Variants in PSMD14 observed in about 807,000 individuals in gnomAD.
The protein encoded by PSMD14 is proteasome 26S subunit, non-ATPase 14.
PSMD14 carries 7 observed loss-of-function variants against 41.2 expected under a neutral mutation model. That is an observed-to-expected ratio of 0.17 (90% CI 0.10 to 0.32). The LOEUF is 0.32. Ranked by LOEUF, PSMD14 falls within the 10% of genes least tolerant of loss-of-function variation. The probability of loss-of-function intolerance (pLI) is 1.00; values close to 1 mark genes in which losing one functional copy is unlikely to be tolerated. For missense variants in PSMD14, 139 were observed against 375.6 expected (o/e 0.37, Z 5.21); for synonymous variants, 114 against 122.3 (o/e 0.93, Z 0.45).
At chr2:161,347,135 C>A (rs140684833) in intron 3 of PSMD14, among the ~76,000 whole-genome samples, 1 of 152,118 alleles carries the variant, frequency 6.6e-6, no homozygotes, top group Non-Finnish European at 1.5e-5. Flanking sequence ...TAGGGTAAGG[C>A]TCACCTCATT....
At position 161,339,748 on chromosome 2, in the gene PSMD14, A is replaced by G. The variant is rs370721942; in HGVS notation, c.48+20875A>G. Among the ~76,000 whole-genome samples the G allele has an allele frequency of 8.0e-4, 122 of 152,396 alleles. 1 individual carries two copies. In the East Asian group the frequency reaches 0.022, roughly 28 times the overall value. On this transcript the variant is annotated intron_variant, in intron 3 of 11. Transcript: ENST00000409682. Reference sequence around the variant, plus strand: ...GACACGTGGCTCTGTGTTGAAGGCAATGACTGTGTGGCTGTTGCCATGTGG... The same window carrying G: ...GACACGTGGCTCTGTGTTGAAGGCAGTGACTGTGTGGCTGTTGCCATGTGG...
chr2:161,326,059 A>G (rs1225308613), intron 3 of PSMD14, among the ~76,000 whole-genome samples: 3 of 152,132 alleles, frequency 2.0e-5, no homozygotes. Context: ...GTTTTTTAAG[A>G]TGGAGTCTTG....
chr2:161,399,481 A>G (rs1430329238), intron 10 of PSMD14, among the ~76,000 whole-genome samples: 3 of 152,104 alleles, frequency 2.0e-5, no homozygotes. Flanking sequence ...GTTATTGAGG[A>G]ACAAGTGGTG....
intron 1 of PSMD14, among the ~76,000 whole-genome samples, chr2:161,316,142 C>G (rs1689145894): frequency 6.6e-6 from 1 of 152,146 alleles, no homozygotes; most frequent in Non-Finnish European, 1.5e-5. Flanking sequence ...CTGCGCCCAG[C>G]CTGTTTTGTT....
chr2:161,400,706 A>G (rs984202955), intron 10 of PSMD14, among the ~76,000 whole-genome samples: 2 of 152,098 alleles, frequency 1.3e-5, no homozygotes, highest in Non-Finnish European at 2.9e-5. Context: ...GGCATGTGCC[A>G]TCATGCCTGG....
At chr2:161,398,751 ATTTC>A (rs1296644368) in intron 10 of PSMD14, among the ~76,000 whole-genome samples, 1 of 152,040 alleles carries the variant, frequency 6.6e-6, no homozygotes, top group Non-Finnish European at 1.5e-5. Flanking sequence ...AAGTTTCAGT[ATTTC>A]TTTTATATGC....
chr2:161,344,304 A>G (rs1286270875), intron 3 of PSMD14, among the ~76,000 whole-genome samples: 4 of 152,200 alleles, frequency 2.6e-5, no homozygotes, highest in Admixed American at 2.6e-4. Flanking sequence ...GGAGGCTGGA[A>G]GTTGGAGATC....
chr2:161,395,704 T>G (rs916864365), intron 10 of PSMD14, among the ~76,000 whole-genome samples: 18 of 152,260 alleles, frequency 1.2e-4, no homozygotes, highest in Middle Eastern at 3.4e-3. Flanking sequence ...AACTCATTAA[T>G]GGGTTGAAAA....
At chr2:161,369,585 C>G (rs1683405619) in intron 5 of PSMD14, among the ~76,000 whole-genome samples, 1 of 151,982 alleles carries the variant, frequency 6.6e-6, no homozygotes, top group Non-Finnish European at 1.5e-5. Context: ...GCCTTGGGAG[C>G]TATAAAGACA....
chr2:161,312,436 A>G (rs961499974), intron 1 of PSMD14, among the ~76,000 whole-genome samples: 1 of 152,182 alleles, frequency 6.6e-6, no homozygotes, highest in African/African-American at 2.4e-5. Flanking sequence ...GAGCCACTGC[A>G]CCTGGCCAAA....
At chr2:161,341,764 G>A (rs1406045979) in intron 3 of PSMD14, among the ~76,000 whole-genome samples, 2 of 150,460 alleles carry the variant, frequency 1.3e-5, no homozygotes, top group African/African-American at 4.9e-5. Context: ...GCTTGAACCC[G>A]GGAGGCAAAG....
At chr2:161,324,442 G>A (rs1054671607) in intron 3 of PSMD14, among the ~76,000 whole-genome samples, 22 of 152,162 alleles carry the variant, frequency 1.4e-4, no homozygotes, top group African/African-American at 4.8e-4. Context: ...AGGAGATGAT[G>A]TTTGAGCTGA....
At chr2:161,367,756 T>G (rs778396798) in intron 4 of PSMD14, 28 bp from the exon 5 acceptor site, 8 of 1,605,952 alleles carry the variant, frequency 5.0e-6, no homozygotes, top group Non-Finnish European at 5.1e-6. Context: ...GAAATTTGCT[T>G]TGTGTCCACA....
rs140114478 is a variant in PSMD14, at chr2:161,370,247, G to A, written c.311+70G>A. ...TATAGAAACATACCTCAAAGTTATA[G>A]ATGTTTATCAATGTCATTTCTAGAA... On this transcript the variant is annotated intron_variant, in intron 6 of 11. Coordinates refer to ENST00000409682, the MANE Select transcript of PSMD14 (RefSeq NM_005805.6). 8,318 of 1,183,234 alleles carry A rather than the reference G, an allele frequency of 7.0e-3. 56 individuals are homozygous for A. Among genetic ancestry groups the A allele is most frequent in the Admixed American group, 0.014 (500 of 35,682 alleles). 73.3% of individuals were successfully genotyped at this position (1,183,234 alleles called of 1,614,324 possible).
intron 3 of PSMD14, chr2:161,340,719 C>T: frequency 1.3e-6 from 2 of 1,589,746 alleles, no homozygotes; most frequent in Non-Finnish European, 1.7e-6. Context: ...CCCTGGGCGC[C>T]TGCCCAGACT....
rs1297599025 is a variant in PSMD14, at chr2:161,362,077, A to AT, written c.49-5394dup. Among the ~76,000 whole-genome samples the AT allele has an allele frequency of 2.0e-5, 3 of 151,886 alleles. No homozygotes were observed. The East Asian group carries it at 5.8e-4, about 29-fold the overall frequency. Reference sequence around the variant, plus strand: ...TTGCTTTTTAATTTTAATTAAAAAAATTTTTTTGAGACAGGGTCTCACTCT... The same window carrying AT: ...TTGCTTTTTAATTTTAATTAAAAAAATTTTTTTTGAGACAGGGTCTCACTCT... On this transcript the variant is annotated intron_variant, in intron 3 of 11. Coordinates refer to ENST00000409682, the MANE Select transcript of PSMD14 (RefSeq NM_005805.6).
intron 3 of PSMD14, among the ~76,000 whole-genome samples, chr2:161,361,437 A>G (rs931645386): frequency 1.6e-5 from 2 of 126,238 alleles, no homozygotes; most frequent in African/African-American, 6.0e-5. Context: ...GAACACTTCC[A>G]AAATTGAAAA....
At chr2:161,357,478 A>G (rs560116188) in intron 3 of PSMD14, among the ~76,000 whole-genome samples, 3 of 152,248 alleles carry the variant, frequency 2.0e-5, no homozygotes, top group African/African-American at 7.2e-5. Context: ...ACTTATTTTC[A>G]AGAGTCAGAA....
intron 9 of PSMD14, among the ~76,000 whole-genome samples, chr2:161,391,976 C>T (rs189976930): frequency 2.6e-5 from 4 of 152,258 alleles, no homozygotes; most frequent in South Asian, 2.1e-4. Context: ...TTAGGGTTTT[C>T]AGATAATTTG....
Sources: gnomAD v4.1 joint callset for allele counts (sites outside exome capture counted in the v4.1 genomes callset) on GRCh38, gnomAD v4.1.1 for gene constraint, MANE v1.5 for transcripts, NCBI Gene and HGNC (gene_info 2026-07-23, HGNC 2026-07-21) for gene names.